The following TMEM156 variants were observed in gnomAD, a reference collection of about 807,000 sequenced individuals.
TMEM156 encodes the protein transmembrane protein 156.
TMEM156 carries 28 observed loss-of-function variants against 30.5 expected under a neutral mutation model. That is an observed-to-expected ratio of 0.92 (90% CI 0.68 to 1.26). TMEM156 has a LOEUF of 1.26. TMEM156 is among the 50% of genes most tolerant of loss of function. The pLI is 0.00. For missense variants in TMEM156, 351 were observed against 340.6 expected, an observed-to-expected ratio of 1.03 and a Z score of -0.24; for synonymous variants, 137 against 119.9, an observed-to-expected ratio of 1.14 and a Z score of -0.93.
intron 5 of TMEM156, among the ~76,000 whole-genome samples, chr4:38,983,467 C>T (rs565385437): frequency 1.1e-4 from 17 of 152,268 alleles, no homozygotes; most frequent in Admixed American, 7.8e-4. Flanking sequence ...GGTGTGACCT[C>T]GGCTCACTGC....
At chr4:39,012,081 G>A (rs1394327318) in intron 1 of TMEM156, among the ~76,000 whole-genome samples, 8 of 152,092 alleles carry the variant, frequency 5.3e-5, no homozygotes, top group Non-Finnish European at 2.9e-5. Context: ...TTCACCACTT[G>A]GGCAATGGGA....
chr4:38,979,949 A>G (rs1723096840), intron 5 of TMEM156, among the ~76,000 whole-genome samples: 1 of 152,188 alleles, frequency 6.6e-6, no homozygotes. Flanking sequence ...CATCACATAA[A>G]AACGTTGGCA....
intron 1 of TMEM156, among the ~76,000 whole-genome samples, chr4:39,019,454 T>A (rs749067504): frequency 6.6e-6 from 1 of 152,218 alleles, no homozygotes; most frequent in African/African-American, 2.4e-5. Context: ...TTGCTCATAT[T>A]GTTTTTTAGA....
intron 4 of TMEM156, among the ~76,000 whole-genome samples, chr4:38,988,173 G>A (rs1218980133): frequency 5.3e-5 from 8 of 151,998 alleles, no homozygotes; most frequent in South Asian, 2.1e-4. Flanking sequence ...ATTAAAGATC[G>A]ACTCTGCCTC....
At chr4:39,001,979 A>G (rs1006365431) in intron 1 of TMEM156, among the ~76,000 whole-genome samples, 5 of 136,458 alleles carry the variant, frequency 3.7e-5, no homozygotes, top group African/African-American at 1.3e-4. Flanking sequence ...ATGGGCAAGG[A>G]CTTCATGTCT....
At position 39,008,790 on chromosome 4, in the gene TMEM156, C is replaced by T. The variant is rs147727672; in HGVS notation, c.89-9881G>A. Among the ~76,000 whole-genome samples, 1,058 of 152,094 alleles carry T rather than the reference C, an allele frequency of 7.0e-3. 21 individuals carry two copies. Among genetic ancestry groups the T allele is most frequent in the Non-Finnish European group, 7.5e-3 (510 of 67,942 alleles). Reference sequence around the variant, plus strand: ...AGTGTTAAAAGAAAAGTTTATAGTGCCAATTCCTATATCAAGAAGATAAAT... The same window carrying T: ...AGTGTTAAAAGAAAAGTTTATAGTGTCAATTCCTATATCAAGAAGATAAAT... On this transcript the variant is annotated intron_variant, in intron 1 of 6. Coordinates refer to ENST00000381938, the MANE Select transcript of TMEM156 (RefSeq NM_024943.3).
At chr4:39,031,855 C>T (rs1715521761) in intron 1 of TMEM156, among the ~76,000 whole-genome samples, 1 of 133,136 alleles carries the variant, frequency 7.5e-6, no homozygotes, top group Admixed American at 9.5e-5. Flanking sequence ...TGCACTCCAG[C>T]CTGAGCGACA....
chr4:38,982,429 T>C (rs966258882), intron 5 of TMEM156, among the ~76,000 whole-genome samples: 15 of 152,230 alleles, frequency 9.9e-5, no homozygotes, highest in African/African-American at 3.6e-4. Flanking sequence ...TTGATATCCA[T>C]AGCCCTTCTA....
chr4:39,015,341 G>A (rs1371442196), intron 1 of TMEM156, among the ~76,000 whole-genome samples: 2 of 152,188 alleles, frequency 1.3e-5, no homozygotes, highest in Admixed American at 6.5e-5. Flanking sequence ...AATTATCCTG[G>A]ATTATCTGGG....
chr4:38,986,236 A>T, intron 5 of TMEM156, 100 bp downstream of exon 5: 1 of 813,974 alleles, frequency 1.2e-6, no homozygotes, highest in Non-Finnish European at 2.1e-6. Flanking sequence ...AGGCTAATTT[A>T]CATAAGCTCA....
intron 1 of TMEM156, among the ~76,000 whole-genome samples, chr4:39,027,746 T>G (rs1715291545): frequency 8.8e-6 from 1 of 113,540 alleles, no homozygotes; most frequent in East Asian, 2.2e-4. Context: ...TCTTTCTGTC[T>G]TTTTTCTTTT....
At chr4:38,984,345 C>CTG (rs770530490) in intron 5 of TMEM156, among the ~76,000 whole-genome samples, 3,192 of 114,746 alleles carry the variant, frequency 0.028, 43 homozygotes, top group Middle Eastern at 0.072. Context: ...CTCTCTCTCT[C>CTG]TCTCTGTGTG....
At chr4:38,972,433 T>C (rs1383755785) in intron 5 of TMEM156, among the ~76,000 whole-genome samples, 1 of 151,588 alleles carries the variant, frequency 6.6e-6, no homozygotes, top group Non-Finnish European at 1.5e-5. Flanking sequence ...GTATTTTTAG[T>C]AGAGACGGGG....
intron 3 of TMEM156, among the ~76,000 whole-genome samples, chr4:38,990,830 G>GTTTTTTTTTTTTTTTGTTTTTT: frequency 1.2e-5 from 1 of 81,216 alleles, no homozygotes. Flanking sequence ...TTGTTTTCTG[G>GTTTTTTTTTTTTTTTGTTTTTT]TTTTTTTTTT....
rs116771303 is a variant in TMEM156, at chr4:38,995,850, G to T, written c.359-1852C>A. Among the ~76,000 whole-genome samples, 1,493 of 152,280 alleles carry T rather than the reference G, an allele frequency of 9.8e-3. 26 individuals are homozygous for T. The highest frequency in any genetic ancestry group is 0.034 in the African/African-American group (1,410 of 41,550). The stretch of plus-strand genomic sequence containing the variant: ...GAAAAGGCAAAGAAATTCCTGTCTT[G>T]CTTTTCAGAACACTCATACTGGAGC... On this transcript the variant is annotated intron_variant, in intron 2 of 6. Coordinates refer to ENST00000381938, the MANE Select transcript of TMEM156 (RefSeq NM_024943.3).
intron 1 of TMEM156, among the ~76,000 whole-genome samples, chr4:39,015,096 A>G (rs981576591): frequency 6.6e-6 from 1 of 152,210 alleles, no homozygotes; most frequent in Non-Finnish European, 1.5e-5. Flanking sequence ...ATTATTCACA[A>G]TATCCTCTTA....
chr4:39,028,032 C>T (rs192387702), intron 1 of TMEM156, among the ~76,000 whole-genome samples: 84 of 152,240 alleles, frequency 5.5e-4, no homozygotes, highest in Non-Finnish European at 4.7e-4. Flanking sequence ...ACTGGGATTA[C>T]ACCGCGCCTG....
At chr4:38,998,543 CAAAA>C in intron 2 of TMEM156, 93 bp downstream of exon 2, 1 of 951,968 alleles carries the variant, frequency 1.1e-6, no homozygotes. Context: ...GACTCCATCT[CAAAA>C]AAAAAAAAAG....
chr4:38,975,380 TTTTC>T lies in TMEM156; in HGVS notation c.824-4247_824-4244del, dbSNP rs1273070605. Reference sequence around the variant, plus strand: ...GTGATTTTTTTTCTTTTCTTTTTTCTTTTCTTTTTTTTTTTTTTTTGAGACAGAG... The same window carrying T: ...GTGATTTTTTTTCTTTTCTTTTTTCTTTTTTTTTTTTTTTTTGAGACAGAG... On this transcript the variant is annotated intron_variant, in intron 5 of 6. Coordinates refer to ENST00000381938, the MANE Select transcript of TMEM156 (RefSeq NM_024943.3). Among the ~76,000 whole-genome samples the T allele has an allele frequency of 1.9e-4, 20 of 107,710 alleles. 2 individuals are homozygous for T. Among genetic ancestry groups the T allele is most frequent in the Non-Finnish European group, 2.7e-4 (15 of 55,178 alleles). 70.7% of individuals were successfully genotyped at this position (107,710 alleles called of 152,430 possible). A position where few individuals can be genotyped will look rare whatever the true frequency, so the allele number is the denominator to read the frequency against.
Sources: allele counts gnomAD v4.1 joint callset (sites outside exome capture counted in the v4.1 genomes callset), GRCh38; gene constraint gnomAD v4.1.1; transcripts MANE v1.5; gene names NCBI Gene and HGNC (gene_info 2026-07-23, HGNC 2026-07-21).